ADH1A: variants seen among roughly 807,000 people sequenced by gnomAD.
The protein encoded by ADH1A is alcohol dehydrogenase 1A.
A neutral mutation model predicts 35.2 loss-of-function variants in ADH1A; 29 were observed. The observed-to-expected ratio is 0.82, with a 90% CI of 0.61 to 1.12. The LOEUF is 1.12. ADH1A is among the 50% of genes most tolerant of loss of function. The pLI is 0.00. For synonymous variants in ADH1A, 147 were observed against 164.8 expected, an observed-to-expected ratio of 0.89 and a Z score of 0.83; for missense variants, 469 against 464.7, an observed-to-expected ratio of 1.01 and a Z score of -0.09.
chr4:99,288,538 T>C (rs957399147), intron 1 of ADH1A: 1 of 152,210 alleles, frequency 6.6e-6, no homozygotes, highest in Non-Finnish European at 1.5e-5. Flanking sequence ...TGGTTAAGCA[T>C]GTACAATTCA....
chr4:99,287,469 A>G (rs1017828037), intron 2 of ADH1A, 95 bp downstream of exon 2: 16 of 1,226,956 alleles, frequency 1.3e-5, no homozygotes, highest in Admixed American at 2.3e-5. Flanking sequence ...AGTATATTCT[A>G]TTTTCTGGAT....
At chr4:99,282,197 A>C (rs1285706581) in intron 6 of ADH1A, 149 bp downstream of exon 6, 2 of 1,465,484 alleles carry the variant, frequency 1.4e-6, no homozygotes, top group Non-Finnish European at 9.5e-7. Context: ...TCATAACAAT[A>C]AATTAAACAA....
chr4:99,278,091 A>C (rs1200536075), intron 8 of ADH1A, among the ~76,000 whole-genome samples: 1 of 152,142 alleles, frequency 6.6e-6, no homozygotes, highest in Non-Finnish European at 1.5e-5. Context: ...TTATATTTAC[A>C]TATGCATATT....
chr4:99,276,500 C>A lies in ADH1A; in HGVS notation c.*124G>T. 1.1e-6 allele frequency: 1 copy of A among 886,580 alleles called. No homozygotes were observed. Among genetic ancestry groups the A allele is most frequent in the Non-Finnish European group, 1.8e-6 (1 of 547,660 alleles). 54.9% of individuals were successfully genotyped at this position (886,580 alleles called of 1,614,324 possible). On this transcript the variant is annotated 3_prime_UTR_variant, in exon 9 of 9. Transcript: ENST00000209668. ...CAATTTCCATTTCTTTGGAAAGCCCCCAAATGTAATTTATTGATAAAATCT... is the reference window on the plus strand; with the variant it reads ...CAATTTCCATTTCTTTGGAAAGCCCACAAATGTAATTTATTGATAAAATCT...
intron 6 of ADH1A, among the ~76,000 whole-genome samples, chr4:99,280,708 A>AT (rs946143589): frequency 9.9e-5 from 15 of 152,178 alleles, no homozygotes; most frequent in Non-Finnish European, 1.9e-4. Flanking sequence ...GGGAAACAAG[A>AT]TAAATGATTA....
Position 99,282,394 on chromosome 4 carries a change from A to C in ADH1A, c.780T>G (p.Asp260Glu). 1.9e-6 allele frequency: 3 copies of C among 1,614,104 alleles called. No individual in the cohort carries two copies. The African/African-American group carries it at 4.0e-5, about 22-fold the overall frequency. The change falls in exon 6 of 9, where the codon GAT (aspartate) becomes GAG (glutamate). Residue 260 changes from aspartate to glutamate, a missense_variant. Transcript: ENST00000209668. ...CTTCAAATGAAAAATCCACACCTCC[A>C]TCAGTCATTTCCTTTAGCACCTCCT... is the stretch of plus-strand genomic sequence containing the variant. ...PIQEVLKEMT[D>E]GGVDFSFEVI...
chr4:99,287,520 C>A, intron 2 of ADH1A, 44 bp downstream of exon 2: 3 of 1,576,536 alleles, frequency 1.9e-6, no homozygotes, highest in Non-Finnish European at 2.6e-6. Context: ...TTTAACTTTT[C>A]TGAGTTTTTA....
At chr4:99,281,789 G>A (rs1733009201) in intron 6 of ADH1A, 1 of 173,720 alleles carries the variant, frequency 5.8e-6, no homozygotes, top group Admixed American at 5.6e-5. Flanking sequence ...TTGGGCTCTA[G>A]TTTTGTGCCA....
chr4:99,279,633 C>A, intron 7 of ADH1A, 69 bp from the exon 8 acceptor site: 3 of 1,532,484 alleles, frequency 2.0e-6, no homozygotes, highest in South Asian at 2.5e-5. Flanking sequence ...GAAGATTTTC[C>A]AAATAAATGA....
chr4:99,282,155 A>G, intron 6 of ADH1A, 191 bp downstream of exon 6: 1 of 1,059,246 alleles, frequency 9.4e-7, no homozygotes, highest in Admixed American at 2.6e-5. Context: ...GACTTGAGAC[A>G]CGTTTGCATA....
chr4:99,286,973 T>C lies in ADH1A; in HGVS notation c.136A>G (p.Ile46Val). The C allele has an allele frequency of 6.2e-7, 1 of 1,614,082 alleles. No homozygotes were observed. Among genetic ancestry groups the C allele is most frequent in the South Asian group, 1.1e-5 (1 of 91,060 alleles). Residue 46 changes from isoleucine to valine, a missense_variant, in exon 3 of 9, where the codon ATC becomes GTC. Coordinates refer to ENST00000209668, the MANE Select transcript of ADH1A (RefSeq NM_000667.4). ...EVRIKMVAVG[I>V]CGTDDHVVSG... Reference sequence around the variant, plus strand: ...ACCACGTGGTCATCTGTGCCACAGATTCCTACAGCCACCATCTACAGAGTG... The same window carrying C: ...ACCACGTGGTCATCTGTGCCACAGACTCCTACAGCCACCATCTACAGAGTG...
chr4:99,287,713 A>T lies in ADH1A; in HGVS notation c.19-48T>A, dbSNP rs542747877. The stretch of plus-strand genomic sequence containing the variant: ...GGCACCAGTGTTCTCCCACGCTTGC[A>T]GTCAGATATTGTGTCATTTCATCTT... On this transcript the variant is annotated intron_variant, in intron 1 of 8. Transcript: ENST00000209668. The T allele has an allele frequency of 2.5e-6, 4 of 1,597,616 alleles. No individual in the cohort carries two copies. In the Admixed American group the frequency reaches 6.7e-5, roughly 27 times the overall value.
At chr4:99,285,561 C>T (rs1229969) in intron 3 of ADH1A, among the ~76,000 whole-genome samples, 124,300 of 152,080 alleles carry the variant, frequency 0.82, 51,119 homozygotes, top group East Asian at 0.91. Flanking sequence ...TAATTAGTTA[C>T]TATTAGTATT....
rs189507552 is a variant in ADH1A at position 99,283,863 on chromosome 4, C to T, written c.567+536G>A. Among the ~76,000 whole-genome samples the T allele has an allele frequency of 3.0e-3, 450 of 152,252 alleles. 1 individual carries two copies. Among genetic ancestry groups the T allele is most frequent in the Non-Finnish European group, 5.3e-3 (362 of 68,032 alleles). On this transcript the variant is annotated intron_variant, in intron 5 of 8. Coordinates refer to ENST00000209668, the MANE Select transcript of ADH1A (RefSeq NM_000667.4). The stretch of plus-strand genomic sequence containing the variant: ...GTGAAATGTCATAATGAGTGAATTA[C>T]GCATCACTGAAGCGTCATTACTTTC...
Position 99,283,322 on chromosome 4 carries a change from G to A in ADH1A, c.568-716C>T, listed in dbSNP as rs1579491441. ...ATTGAACAAGGGACTAAGAGCTAAA[G>A]TCACAGAAATTTGGAAAAGATGCCA... On this transcript the variant is annotated intron_variant, in intron 5 of 8. Transcript: ENST00000209668. 2.0e-5 allele frequency among the ~76,000 whole-genome samples: 3 copies of A among 152,302 alleles called. No individual in the cohort carries two copies. In the South Asian group the frequency reaches 6.2e-4, roughly 32 times the overall value.
rs1414849066 is a variant in ADH1A at position 99,290,908 on chromosome 4, T to C, written c.7A>G (p.Thr3Ala). The C allele has an allele frequency of 6.2e-7, 1 of 1,613,894 alleles. No homozygotes were observed. The change falls in exon 1 of 9, where the codon ACA becomes GCA. Residue 3 changes from threonine (T) to alanine (A), a missense_variant. Transcript: ENST00000209668. ...TATTTTTTGCTTACTTTTCCTGCTG[T>C]GCTCATGTTGATTCTGTCTTCTCTG... MS[T>A]AGKVIKCKAA...
intron 8 of ADH1A, among the ~76,000 whole-genome samples, chr4:99,279,147 ATTGT>A (rs1732935123): frequency 6.6e-6 from 1 of 151,204 alleles, no homozygotes; most frequent in African/African-American, 2.4e-5. Flanking sequence ...GGCAAAGGTG[ATTGT>A]TCTCTTTTAA....
In ADH1A at chr4:99,276,567, G is replaced by A. The variant is rs1253289539; in HGVS notation, c.*57C>T. ...ATGATATTTCCCAGCTGTTGCTCCA[G>A]ATCATGTAGGGTAGAGGAGGCTGAA... On this transcript the variant is annotated 3_prime_UTR_variant, in exon 9 of 9. Transcript: ENST00000209668. The A allele has an allele frequency of 1.4e-6, 2 of 1,475,096 alleles. No homozygotes were observed. The allele number at this position is 1,475,096 out of a possible 1,614,324, so 91.4% of individuals were successfully genotyped here.
intron 5 of ADH1A, among the ~76,000 whole-genome samples, chr4:99,283,956 C>T (rs1454460764): frequency 6.6e-6 from 1 of 151,650 alleles, no homozygotes; most frequent in Non-Finnish European, 1.5e-5. Context: ...TTGGACTCTA[C>T]TGTTGTTGAT....
Sources: gnomAD v4.1 joint callset for allele counts (sites outside exome capture counted in the v4.1 genomes callset) on GRCh38, gnomAD v4.1.1 for gene constraint, MANE v1.5 for transcripts, NCBI Gene and HGNC (gene_info 2026-07-23, HGNC 2026-07-21) for gene names.